The following MAK variants were observed in gnomAD, a reference collection of about 807,000 sequenced individuals.
The protein encoded by MAK is male germ cell associated kinase.
A neutral mutation model predicts 82.6 loss-of-function variants in MAK; 65 were observed. The ratio of observed to expected loss-of-function variants is 0.79; its 90% confidence interval spans 0.64 to 0.97. The LOEUF (loss-of-function observed/expected upper bound fraction) is 0.97. MAK is among the 50% of genes least tolerant of loss of function. The pLI, the probability that MAK is intolerant of heterozygous loss-of-function variation, is 0.00. For synonymous variants in MAK, 250 were observed against 274.2 expected, an observed-to-expected ratio of 0.91 and a Z score of 0.87; for missense variants, 703 against 780.2, an observed-to-expected ratio of 0.90 and a Z score of 1.18.
At chr6:10,816,673 G>A (rs7742125) in intron 4 of MAK, among the ~76,000 whole-genome samples, 3,376 of 151,980 alleles carry the variant, frequency 0.022, 126 homozygotes, top group African/African-American at 0.076. Flanking sequence ...ACTTACAAGC[G>A]TTTTCATAAC....
chr6:10,799,747 A>G (rs965234141), intron 8 of MAK, among the ~76,000 whole-genome samples: 3 of 152,214 alleles, frequency 2.0e-5, no homozygotes, highest in Non-Finnish European at 4.4e-5. Flanking sequence ...CCTGGCCAAC[A>G]TGGTAAAACT....
At chr6:10,772,276 AACCAGTAAC>A (rs1179049109) in intron 13 of MAK, among the ~76,000 whole-genome samples, 1 of 152,004 alleles carries the variant, frequency 6.6e-6, no homozygotes, top group African/African-American at 2.4e-5. Context: ...GCACTGTTGA[AACCAGTAAC>A]ACTGAACCCC....
intron 2 of MAK, among the ~76,000 whole-genome samples, chr6:10,819,385 A>C (rs1777751553): frequency 6.6e-6 from 1 of 152,178 alleles, no homozygotes; most frequent in African/African-American, 2.4e-5. Flanking sequence ...TAATCCCAGC[A>C]CTTTGGGAGG....
intron 2 of MAK, 93 bp from the exon 3 acceptor site, chr6:10,819,033 C>A: frequency 1.3e-6 from 1 of 742,364 alleles, no homozygotes. Context: ...TACTGGTTCA[C>A]TTTGGGCGAG....
intron 11 of MAK, among the ~76,000 whole-genome samples, chr6:10,778,002 A>G (rs114519272): frequency 1.4e-3 from 216 of 152,316 alleles, no homozygotes; most frequent in Non-Finnish European, 2.6e-3. Context: ...GAATTTTGTT[A>G]TTTATTTGTT....
chr6:10,831,755 A>C (rs1778824183), intron 1 of MAK, among the ~76,000 whole-genome samples: 1 of 152,114 alleles, frequency 6.6e-6, no homozygotes, highest in Non-Finnish European at 1.5e-5. Context: ...CTAAAGAAAA[A>C]AAAATTTTTT....
At chr6:10,826,222 A>G (rs535961646) in intron 2 of MAK, among the ~76,000 whole-genome samples, 84 of 151,106 alleles carry the variant, frequency 5.6e-4, no homozygotes, top group Non-Finnish European at 9.7e-4. Context: ...ACTATTTCTT[A>G]CTCCCTGGAG....
At chr6:10,767,468 A>G (rs1015718962) in intron 14 of MAK, among the ~76,000 whole-genome samples, 1 of 152,146 alleles carries the variant, frequency 6.6e-6, no homozygotes, top group Non-Finnish European at 1.5e-5. Flanking sequence ...TAGGGGAAGG[A>G]GAGATTACAT....
chr6:10,786,447 C>T (rs1173003306), intron 10 of MAK, among the ~76,000 whole-genome samples: 3 of 147,922 alleles, frequency 2.0e-5, no homozygotes, highest in Non-Finnish European at 4.5e-5. Flanking sequence ...CACCACTCCA[C>T]TAATGCACCA....
intron 2 of MAK, chr6:10,829,272 TAAC>T (rs1186128843): frequency 1.3e-5 from 2 of 152,196 alleles, no homozygotes. Context: ...ACAAACAAAT[TAAC>T]AACAATTCTA....
At chr6:10,795,148 C>G (rs1775418604) in intron 9 of MAK, among the ~76,000 whole-genome samples, 1 of 152,000 alleles carries the variant, frequency 6.6e-6, no homozygotes. Context: ...TCTTTGAATT[C>G]TTCTGCATTG....
At chr6:10,791,971 G>T in intron 9 of MAK, 124 bp from the exon 10 acceptor site, 2 of 974,674 alleles carry the variant, frequency 2.1e-6, no homozygotes, top group Non-Finnish European at 1.6e-6. Flanking sequence ...ACATGTAAGG[G>T]CATAACATAT....
At chr6:10,804,932 T>C (rs1249646010) in intron 6 of MAK, among the ~76,000 whole-genome samples, 2 of 152,094 alleles carry the variant, frequency 1.3e-5, no homozygotes, top group African/African-American at 4.8e-5. Context: ...GCTGGGCCAA[T>C]GTGTGGGGTT....
At chr6:10,783,740 G>C (rs1280579945) in intron 11 of MAK, among the ~76,000 whole-genome samples, 2 of 152,204 alleles carry the variant, frequency 1.3e-5, no homozygotes, top group Non-Finnish European at 2.9e-5. Context: ...CACCAGATTG[G>C]CTGGGCACAG....
chr6:10,764,281 C>G lies in MAK; in HGVS notation c.*171G>C. 1 of 638,038 alleles carries G rather than the reference C, an allele frequency of 1.6e-6. No individual in the cohort carries two copies. Among genetic ancestry groups the G allele is most frequent in the Non-Finnish European group, 2.7e-6 (1 of 370,260 alleles). The allele number at this position is 638,038 out of a possible 1,614,324, so 39.5% of individuals were successfully genotyped here. On this transcript the variant is annotated 3_prime_UTR_variant, in exon 15 of 15. Transcript: ENST00000354489. Reference sequence around the variant, plus strand: ...TGTGGGCAATGATGCTAAGAAAATGCATTTCTTGGAAATAAGTAAAATAGG... The same window carrying G: ...TGTGGGCAATGATGCTAAGAAAATGGATTTCTTGGAAATAAGTAAAATAGG...
intron 5 of MAK, among the ~76,000 whole-genome samples, chr6:10,811,135 A>AT (rs1257300563): frequency 6.6e-6 from 1 of 152,168 alleles, no homozygotes. Flanking sequence ...AGTAGCTGGG[A>AT]TTACAGGCAT....
chr6:10,800,839 TCAA>T lies in MAK; in HGVS notation c.831+1050_831+1052del, dbSNP rs149543153. Among the ~76,000 whole-genome samples the T allele has an allele frequency of 2.6e-5, 4 of 151,634 alleles. No homozygotes were observed. The highest frequency in any genetic ancestry group is 7.3e-5 in the African/African-American group (3 of 41,196). On this transcript the variant is annotated intron_variant, in intron 8 of 14. Coordinates refer to ENST00000354489, the MANE Select transcript of MAK (RefSeq NM_001242957.3). This position sits in a 1 kb window ranked among gnomAD's most constrained non-coding sequence, Gnocchi z 4.2. ...TGGGCAACAAGAGTGAAACTCCATC[TCAA>T]CAACAACAACAAAATGTAACCCTTC...
At chr6:10,796,413 A>G (rs998452588) in intron 8 of MAK, 104 bp from the exon 9 acceptor site, 20 of 885,562 alleles carry the variant, frequency 2.3e-5, no homozygotes, top group African/African-American at 1.2e-4. Flanking sequence ...ATTAGCCCAC[A>G]TGAGCTTCAA....
At chr6:10,815,945 T>TATATATATAAATAA (rs1171616235) in intron 4 of MAK, among the ~76,000 whole-genome samples, 2 of 116,826 alleles carry the variant, frequency 1.7e-5, no homozygotes, top group African/African-American at 7.5e-5. Flanking sequence ...TATATATATA[T>TATATATATAAATAA]ATGTATGTTT....
Sources: gnomAD v4.1 joint callset for allele counts (sites outside exome capture counted in the v4.1 genomes callset) on GRCh38, gnomAD v4.1.1 for gene constraint, Gnocchi (gnomAD v3.1) non-coding constraint, MANE v1.5 for transcripts, NCBI Gene and HGNC (gene_info 2026-07-23, HGNC 2026-07-21) for gene names.